The following CSMD3 variants were observed in gnomAD, a reference collection of about 807,000 sequenced individuals.
The protein encoded by CSMD3 is CUB and sushi domain-containing protein 3.
CSMD3 carries 177 observed loss-of-function variants against 435.2 expected under a neutral mutation model. The ratio of observed to expected loss-of-function variants is 0.41; its 90% CI spans 0.36 to 0.46. The LOEUF (loss-of-function observed/expected upper bound fraction) is 0.46, where lower values mean the gene tolerates loss of function less well. CSMD3 is among the 20% of genes least tolerant of loss of function. CSMD3 has a pLI of 0.34. For missense variants in CSMD3, 4,265 were observed against 4,504.6 expected, an observed-to-expected ratio of 0.95 and a Z score of 1.52; for synonymous variants, 1,656 against 1,520.5, an observed-to-expected ratio of 1.09 and a Z score of -2.07.
At chr8:113,005,691 T>C (rs562985777) in intron 6 of CSMD3, among the ~76,000 whole-genome samples, 1 of 152,184 alleles carries the variant, frequency 6.6e-6, no homozygotes, top group South Asian at 2.1e-4. Context: ...CAGCAATTTT[T>C]ATATAATGTA....
At chr8:112,545,501 A>AAAAAAAAAAAT (rs1554609897) in intron 27 of CSMD3, among the ~76,000 whole-genome samples, 1 of 122,694 alleles carries the variant, frequency 8.2e-6, no homozygotes, top group Admixed American at 9.0e-5. Context: ...AAAAAAAAAA[A>AAAAAAAAAAAT]AATAATAATA....
chr8:112,794,451 C>T (rs558230857), intron 13 of CSMD3, among the ~76,000 whole-genome samples: 44 of 151,708 alleles, frequency 2.9e-4, no homozygotes, highest in Non-Finnish European at 5.4e-4. Flanking sequence ...CGCACCACCA[C>T]GCCCTGCTAA....
intron 23 of CSMD3, among the ~76,000 whole-genome samples, chr8:112,581,667 T>C (rs1211392054): frequency 1.3e-5 from 2 of 152,102 alleles, no homozygotes; most frequent in African/African-American, 4.8e-5. Context: ...ACAAGCATTG[T>C]TCCTAGATGC....
chr8:112,936,932 C>G (rs968284798), intron 9 of CSMD3, among the ~76,000 whole-genome samples: 10 of 151,946 alleles, frequency 6.6e-5, no homozygotes, highest in Non-Finnish European at 1.3e-4. Flanking sequence ...CCTCAATTGT[C>G]TTTTTATTTT....
intron 10 of CSMD3, among the ~76,000 whole-genome samples, chr8:112,879,246 C>G (rs180897808): frequency 6.6e-6 from 1 of 152,202 alleles, no homozygotes; most frequent in African/African-American, 2.4e-5. Context: ...AATGGCCGCT[C>G]TAGGAGTATC....
intron 13 of CSMD3, among the ~76,000 whole-genome samples, chr8:112,700,823 G>C (rs908869539): frequency 9.9e-5 from 15 of 152,132 alleles, no homozygotes; most frequent in African/African-American, 2.7e-4. Flanking sequence ...TCAAATTGTG[G>C]AGAATTTAAA....
intron 1 of CSMD3, among the ~76,000 whole-genome samples, chr8:113,421,576 T>C (rs1471177625): frequency 1.3e-5 from 2 of 152,194 alleles, no homozygotes; most frequent in Admixed American, 1.3e-4. Flanking sequence ...CAGAAAACGA[T>C]ACCCTGAAAG....
chr8:112,250,810 G>A (rs1815191643), intron 63 of CSMD3, among the ~76,000 whole-genome samples: 1 of 151,566 alleles, frequency 6.6e-6, no homozygotes, highest in Non-Finnish European at 1.5e-5. Flanking sequence ...TGCAACCAAT[G>A]TTTAAATAAA....
intron 38 of CSMD3, among the ~76,000 whole-genome samples, chr8:112,360,928 C>T (rs991023321): frequency 5.3e-5 from 8 of 151,878 alleles, no homozygotes; most frequent in Admixed American, 5.2e-4. Flanking sequence ...CATGAAAGTC[C>T]TACAGTTTGA....
At chr8:113,267,772 A>C (rs1244479575) in intron 3 of CSMD3, among the ~76,000 whole-genome samples, 1 of 151,776 alleles carries the variant, frequency 6.6e-6, no homozygotes, top group East Asian at 1.9e-4. Flanking sequence ...CATATTTTAT[A>C]CAAGTTGCAA....
intron 1 of CSMD3, among the ~76,000 whole-genome samples, chr8:113,406,479 G>A (rs1024648457): frequency 5.9e-5 from 9 of 151,966 alleles, no homozygotes; most frequent in Admixed American, 5.9e-4. Flanking sequence ...CTAACAATAG[G>A]TTACTAAGAA....
chr8:112,599,779 A>G (rs946704710), intron 22 of CSMD3, among the ~76,000 whole-genome samples: 1 of 149,642 alleles, frequency 6.7e-6, no homozygotes, highest in African/African-American at 2.5e-5. Flanking sequence ...AGAAAAAACC[A>G]AACACCGTAT....
intron 7 of CSMD3, among the ~76,000 whole-genome samples, chr8:112,961,897 T>C (rs1359167758): frequency 6.6e-6 from 1 of 151,956 alleles, no homozygotes; most frequent in Non-Finnish European, 1.5e-5. Flanking sequence ...TATGGTATGC[T>C]GTAAAATGTC....
chr8:112,822,313 C>G (rs1419256386), intron 12 of CSMD3, among the ~76,000 whole-genome samples: 1 of 151,892 alleles, frequency 6.6e-6, no homozygotes, highest in East Asian at 1.9e-4. Flanking sequence ...TTGTTTATTT[C>G]CTTTCTTATT....
chr8:113,306,770 A>G (rs2093824909), intron 2 of CSMD3, among the ~76,000 whole-genome samples: 1 of 152,162 alleles, frequency 6.6e-6, no homozygotes, highest in Admixed American at 6.5e-5. Flanking sequence ...TACTTGTTAT[A>G]TGTTAATTAT....
At chr8:112,858,051 C>T (rs2080715473) in intron 11 of CSMD3, among the ~76,000 whole-genome samples, 1 of 151,484 alleles carries the variant, frequency 6.6e-6, no homozygotes. Context: ...AATCAGGGCT[C>T]TTCTATGAGA....
At chr8:112,494,550 TCTTTCTTTCTTTCTTTCTTTC>T (rs1210712620) in intron 30 of CSMD3, among the ~76,000 whole-genome samples, 1 of 146,332 alleles carries the variant, frequency 6.8e-6, no homozygotes, top group South Asian at 2.1e-4. Context: ...TTTCTTTCTT[TCTTTCTTTCTTTCTTTCTTTC>T]TTTTCTTTCT....
intron 3 of CSMD3, among the ~76,000 whole-genome samples, chr8:113,270,707 C>A (rs1405401536): frequency 1.3e-5 from 2 of 151,952 alleles, no homozygotes; most frequent in Admixed American, 1.3e-4. Context: ...CCATCACTCT[C>A]AGCAAACTAT....
At chr8:113,400,875 G>C (rs903072083) in intron 1 of CSMD3, among the ~76,000 whole-genome samples, 1 of 151,748 alleles carries the variant, frequency 6.6e-6, no homozygotes, top group African/African-American at 2.4e-5. Flanking sequence ...TTATTTATTG[G>C]TTGGAGAGTA....
Sources: gnomAD v4.1 joint callset for allele counts (sites outside exome capture counted in the v4.1 genomes callset) on GRCh38, gnomAD v4.1.1 for gene constraint, MANE v1.5 for transcripts, NCBI Gene and HGNC (gene_info 2026-07-23, HGNC 2026-07-21) for gene names.